The following ADAM8 variants were observed in gnomAD, a reference collection of about 807,000 sequenced individuals.
The protein encoded by ADAM8 is ADAM metallopeptidase domain 8.
Under a neutral mutation model 102.4 loss-of-function variants are expected in ADAM8, and 104 were observed. The ratio of observed to expected loss-of-function variants is 1.02; its 90% CI spans 0.87 to 1.20. ADAM8 has a LOEUF of 1.20. Among genes scored for constraint, ADAM8 ranks in the 50% most tolerant of loss-of-function variants. ADAM8 has a pLI of 0.00. For synonymous variants in ADAM8, 517 were observed against 485.2 expected (o/e 1.07, Z -0.86); for missense variants, 1,132 against 1,159.0 (o/e 0.98, Z 0.34).
At position 133,263,175 on chromosome 10, in the gene ADAM8, C is replaced by T. The variant is rs1215898843; in HGVS notation, c.2456G>A (p.Gly819Glu). The change falls in exon 23 of 23, where the codon GGA (glycine) becomes GAA (glutamate). Residue 819 changes from glycine to glutamate, a missense_variant. By Grantham distance (98) the Gly-to-Glu change is moderately conservative. Coordinates refer to ENST00000445355, the MANE Select transcript of ADAM8 (RefSeq NM_001109.5). ...GCCCCCCTAGGGTGCTGTGGGAGCT[C>T]CGGCTCCTTGCTTCCTCTGGATGGG... Reference protein sequence around the residue: ...KPPIQRKQGAGAPTAP With the variant: ...KPPIQRKQGAEAPTAP The T allele has an allele frequency of 1.2e-6, 2 of 1,613,856 alleles. No individual in the cohort carries two copies. The highest frequency in any genetic ancestry group is 1.7e-6 in the Non-Finnish European group (2 of 1,179,800).
chr10:133,267,273 T>A, intron 21 of ADAM8, 79 bp downstream of exon 21: 17 of 1,463,834 alleles, frequency 1.2e-5, no homozygotes, highest in Non-Finnish European at 1.6e-5. Flanking sequence ...TGGCCCCCGG[T>A]GCAGTGCACA....
chr10:133,266,502 G>A (rs571788786), intron 21 of ADAM8, among the ~76,000 whole-genome samples: 123 of 152,254 alleles, frequency 8.1e-4, no homozygotes, highest in African/African-American at 2.7e-3. Context: ...GGCTGACCAC[G>A]AACCTCTGTG....
At chr10:133,272,131 G>A in intron 10 of ADAM8, 62 bp downstream of exon 10, 1 of 1,522,320 alleles carries the variant, frequency 6.6e-7, no homozygotes, top group Non-Finnish European at 8.9e-7. Context: ...CTGGACCGAG[G>A]CGTCCCCTCC....
At chr10:133,266,429 A>T (rs1846324149) in intron 21 of ADAM8, among the ~76,000 whole-genome samples, 1 of 152,162 alleles carries the variant, frequency 6.6e-6, no homozygotes, top group Non-Finnish European at 1.5e-5. Flanking sequence ...ACAAAAAAAA[A>T]GCCTCAACCC....
At chr10:133,268,907 C>T (rs557529731) in intron 18 of ADAM8, 45 bp from the exon 19 acceptor site, 2 of 1,582,764 alleles carry the variant, frequency 1.3e-6, no homozygotes, top group East Asian at 2.3e-5. Context: ...GCCGCGACCT[C>T]AGGCAGGAGC....
At chr10:133,274,830 T>G (rs762130924) in intron 2 of ADAM8, 3 of 433,350 alleles carry the variant, frequency 6.9e-6, no homozygotes, top group South Asian at 4.8e-5. Context: ...GCTGGACCAC[T>G]GCATCTCCAG....
At chr10:133,274,864 G>T (rs561637526) in intron 2 of ADAM8, 2 of 433,656 alleles carry the variant, frequency 4.6e-6, no homozygotes, top group Admixed American at 2.5e-5. Context: ...GCTGGGGCTC[G>T]GCCTGCAGAG....
rs1846550239 is a variant in ADAM8 at position 133,272,118 on chromosome 10, G to A, written c.957+75C>T. 2.6e-6 allele frequency: 4 copies of A among 1,510,654 alleles called. No individual in the cohort carries two copies. In the South Asian group the frequency reaches 3.6e-5, roughly 14 times the overall value. 93.6% of individuals were successfully genotyped at this position (1,510,654 alleles called of 1,614,324 possible). A position where few individuals can be genotyped will look rare whatever the true frequency, so the allele number is the denominator to read the frequency against. ...CTGAGGGGAGGTGGCCTGCTCCAGA[G>A]ACCTGGACCGAGGCGTCCCCTCCCC... On this transcript the variant is annotated intron_variant, in intron 10 of 22. Coordinates refer to ENST00000445355, the MANE Select transcript of ADAM8 (RefSeq NM_001109.5).
In ADAM8 at chr10:133,274,232, G is replaced by A. The variant is rs749635504; in HGVS notation, c.154C>T (p.Leu52=). 8 of 1,555,502 alleles carry A rather than the reference G, an allele frequency of 5.1e-6. No homozygotes were observed. Among genetic ancestry groups the A allele is most frequent in the Middle Eastern group, 3.5e-4 (2 of 5,698 alleles). ...VRRALPSHLG[L]HPERVSYVLG... Reference sequence around the variant, plus strand: ...ACGTAGCTCACCCTCTCTGGGTGCAGGCCCTGAGCGAGGAGGGAAGGGTCC... The same window carrying A: ...ACGTAGCTCACCCTCTCTGGGTGCAAGCCCTGAGCGAGGAGGGAAGGGTCC... Residue 52 remains leucine (L), a synonymous_variant, in exon 3 of 23, where the codon CTG becomes TTG. Coordinates refer to ENST00000445355, the MANE Select transcript of ADAM8 (RefSeq NM_001109.5).
chr10:133,263,680 G>T lies in ADAM8; in HGVS notation c.2397+8C>A. 1.8e-6 allele frequency: 2 copies of T among 1,142,512 alleles called. No individual in the cohort carries two copies. Among genetic ancestry groups the T allele is most frequent in the East Asian group, 4.4e-5 (1 of 22,860 alleles). 70.8% of individuals were successfully genotyped at this position (1,142,512 alleles called of 1,614,324 possible). On this transcript the variant is annotated splice_region_variant and intron_variant, in intron 22 of 22. Transcript: ENST00000445355. ...GTGGACTCTGCCTGGTGTGTGCTGGGGCCTCACCTCAGCTGGACCAGGGTT... is the reference window on the plus strand; with the variant it reads ...GTGGACTCTGCCTGGTGTGTGCTGGTGCCTCACCTCAGCTGGACCAGGGTT...
chr10:133,272,209 G>A lies in ADAM8; in HGVS notation c.941C>T (p.Ser314Leu), dbSNP rs1482564797. The A allele has an allele frequency of 6.5e-7, 1 of 1,549,852 alleles. No individual in the cohort carries two copies. The highest frequency in any genetic ancestry group is 1.2e-5 in the South Asian group (1 of 84,030). Residue 314 changes from serine (S) to leucine (L), a missense_variant, in exon 10 of 23, where the codon TCA becomes TTA. Ser to Leu is a moderately radical substitution (Grantham distance 145). Transcript: ENST00000445355. The stretch of plus-strand genomic sequence containing the variant: ...CCCCCTCACCTGGTTCACAGCCCCT[G>A]AGCTGTGGGAGCACATGGCGGACAC... ...ARVSAMCSHS[S>L]GAVNQDHSKN... is the part of the protein sequence containing the mutation.
intron 7 of ADAM8, 26 bp from the exon 8 acceptor site, chr10:133,272,892 G>C (rs370183215): frequency 4.3e-6 from 7 of 1,611,050 alleles, no homozygotes; most frequent in Non-Finnish European, 5.9e-6. Context: ...CCTCAGGCTG[G>C]AGCCCACACA....
chr10:133,269,562 G>C (rs1053145640), intron 17 of ADAM8, 33 bp from the exon 18 acceptor site: 1 of 1,557,776 alleles, frequency 6.4e-7, no homozygotes, highest in Non-Finnish European at 8.6e-7. Context: ...GGCCAACCCT[G>C]TTGTGGACCC....
chr10:133,271,849 C>T lies in ADAM8; in HGVS notation c.1063G>A (p.Glu355Lys), dbSNP rs377073450. 5.6e-6 allele frequency: 9 copies of T among 1,612,408 alleles called. No individual in the cohort carries two copies. The African/African-American group carries it at 9.3e-5, about 17-fold the overall frequency. ...DENVQGCRCQ[E>K]RFEAGRCIMA... The stretch of plus-strand genomic sequence containing the variant: ...ATGCAGCGGCCGGCCTCGAAGCGTT[C>T]CTGGCAGCGGCAGCCCTGGACGTTC... Residue 355 changes from glutamate (E) to lysine (K), a missense_variant, in exon 11 of 23, where the codon GAA (glutamate) becomes AAA (lysine). Coordinates refer to ENST00000445355, the MANE Select transcript of ADAM8 (RefSeq NM_001109.5).
chr10:133,272,983 G>C lies in ADAM8; in HGVS notation c.610C>G (p.Leu204Val), dbSNP rs1236972735. Residue 204 changes from leucine (L) to valine (V), a missense_variant, in exon 7 of 23, where the codon CTG becomes GTG. By Grantham distance (32) the Leu-to-Val change is conservative. Coordinates refer to ENST00000445355, the MANE Select transcript of ADAM8 (RefSeq NM_001109.5). Reference sequence around the variant, plus strand: ...TCTGCATTGTCCACGACCACATACAGCTCCACGTAGCGGGTCTCTCGGGAT... The same window carrying C: ...TCTGCATTGTCCACGACCACATACACCTCCACGTAGCGGGTCTCTCGGGAT... The part of the protein sequence containing the change: ...LPSRETRYVE[L>V]YVVVDNAEFQ... The C allele has an allele frequency of 1.9e-6, 3 of 1,612,884 alleles. No homozygotes were observed. The highest frequency in any genetic ancestry group is 2.2e-5 in the East Asian group (1 of 44,872).
intron 2 of ADAM8, 151 bp from the exon 3 acceptor site, chr10:133,274,386 G>A (rs1846664138): frequency 4.4e-6 from 2 of 457,574 alleles, no homozygotes; most frequent in Admixed American, 8.2e-5. Context: ...ACAGCCTCAG[G>A]CAGGGTAGAG....
chr10:133,272,027 C>T, intron 10 of ADAM8, 73 bp from the exon 11 acceptor site: 25 of 1,583,180 alleles, frequency 1.6e-5, no homozygotes, highest in Non-Finnish European at 2.2e-5. Context: ...CCCACCAGGG[C>T]CCAGGACTTG....
In ADAM8 at chr10:133,263,092, T is replaced by C. The variant is rs2230576; in HGVS notation, c.*64A>G. 1,346,796 of 1,582,538 alleles carry C rather than the reference T, an allele frequency of 0.85. 580,397 individuals carry two copies. The highest frequency in any genetic ancestry group is 0.92 in the East Asian group (41,084 of 44,708). ...GAGCGGCACTAGCTGGACCGTGGAA[T>C]GCTGGAACGCATGGCTTCTCTGCCG... On this transcript the variant is annotated 3_prime_UTR_variant, in exon 23 of 23. Transcript: ENST00000445355.
In ADAM8 at chr10:133,273,776, G is replaced by A. The variant is rs1369448858; in HGVS notation, c.369C>T (p.Thr123=). ...GYPDSAASLS[T]CAGLRGFFQV... ...GCCACACCCACCTGAGGCCGGCACA[G>A]GTGCTGAGGCTGGCGGCTGAGTCCG... The change falls in exon 5 of 23, where the codon ACC becomes ACT. Residue 123 remains threonine (T), a synonymous_variant. Transcript: ENST00000445355. The A allele has an allele frequency of 2.6e-6, 4 of 1,548,866 alleles. No individual in the cohort carries two copies. The South Asian group carries it at 4.8e-5, about 18-fold the overall frequency.
Sources: gnomAD v4.1 joint callset for allele counts (sites outside exome capture counted in the v4.1 genomes callset) on GRCh38, gnomAD v4.1.1 for gene constraint, MANE v1.5 for transcripts, NCBI Gene and HGNC (gene_info 2026-07-23, HGNC 2026-07-21) for gene names.